The following INSL6 variants were observed in gnomAD, a reference collection of about 807,000 sequenced individuals.
INSL6 encodes insulin like 6, also known as insulin-like peptide INSL6.
INSL6 carries 16 observed loss-of-function variants against 9.4 expected under a neutral mutation model. The observed-to-expected ratio is 1.70, with a 90% CI of 1.15 to 2.59. The LOEUF is 2.59. Among genes scored for constraint, INSL6 ranks in the 30% most tolerant of loss-of-function variants. The pLI, the probability that INSL6 is intolerant of heterozygous loss-of-function variation, is 0.00. For synonymous variants in INSL6, 154 were observed against 96.9 expected, an observed-to-expected ratio of 1.59 and a Z score of -3.46; for missense variants, 391 against 257.3, an observed-to-expected ratio of 1.52 and a Z score of -3.56.
chr9:5,111,706 C>T, the INSL6 span: 42 of 430,162 alleles, frequency 9.8e-5, no homozygotes, highest in East Asian at 3.3e-4. Flanking sequence ...GCACGTTTGG[C>T]GGCCTGCACC....
chr9:5,006,752 A>C, the INSL6 span, among the ~76,000 whole-genome samples: 1 of 152,200 alleles, frequency 6.6e-6, no homozygotes, highest in Non-Finnish European at 1.5e-5. Context: ...GTCACCTCTC[A>C]CCAGGCCACT....
the INSL6 span, chr9:5,069,826 A>G: frequency 1.6e-6 from 1 of 616,052 alleles, no homozygotes; most frequent in Non-Finnish European, 2.5e-6. Context: ...GTTATTAAGC[A>G]TTTCTTATAC....
the INSL6 span, among the ~76,000 whole-genome samples, chr9:5,116,014 A>G: frequency 1.4e-3 from 207 of 152,276 alleles, no homozygotes; most frequent in African/African-American, 4.8e-3. Context: ...TACGTTAACA[A>G]ACCTGCACCT....
the INSL6 span, among the ~76,000 whole-genome samples, chr9:5,059,186 T>C: frequency 6.6e-6 from 1 of 152,194 alleles, no homozygotes; most frequent in Non-Finnish European, 1.5e-5. Context: ...AACAGAATAG[T>C]TCTCTTACTC....
chr9:5,117,664 T>G, the INSL6 span, among the ~76,000 whole-genome samples: 1 of 139,832 alleles, frequency 7.2e-6, no homozygotes, highest in South Asian at 2.3e-4. Context: ...GGTTTTATCT[T>G]AAATAAATTA....
the INSL6 span, among the ~76,000 whole-genome samples, chr9:5,081,138 G>A: frequency 0.16 from 24,046 of 151,554 alleles, 2,203 homozygotes; most frequent in Middle Eastern, 0.22. Flanking sequence ...CTTGTGATCC[G>A]CCCGCCTCGG....
At chr9:5,022,438 G>T in the INSL6 span, among the ~76,000 whole-genome samples, 4 of 152,050 alleles carry the variant, frequency 2.6e-5, no homozygotes, top group Admixed American at 2.0e-4. Flanking sequence ...ATAAATGTTT[G>T]CTGACTATTC....
the INSL6 span, among the ~76,000 whole-genome samples, chr9:5,083,008 A>G: frequency 6.5e-3 from 986 of 152,338 alleles, 6 homozygotes; most frequent in African/African-American, 0.022. Context: ...TAACTGAAGA[A>G]CTTTTCAGAG....
At chr9:5,012,619 AT>A in the INSL6 span, among the ~76,000 whole-genome samples, 2 of 152,176 alleles carry the variant, frequency 1.3e-5, no homozygotes, top group African/African-American at 4.8e-5. Flanking sequence ...TTATTTTGTT[AT>A]TTTTATGAGC....
the INSL6 span, among the ~76,000 whole-genome samples, chr9:5,031,843 C>T: frequency 7.9e-5 from 12 of 152,262 alleles, no homozygotes; most frequent in South Asian, 4.1e-4. Flanking sequence ...ATGCAGAAGA[C>T]GGGTGATTTC....
At chr9:5,081,651 C>T in the INSL6 span, 1 of 1,066,608 alleles carries the variant, frequency 9.4e-7, no homozygotes, top group Admixed American at 2.0e-5. Context: ...TTTTGGTCAA[C>T]TTGAATGTAT....
chr9:5,111,667 C>G, the INSL6 span: 1 of 408,610 alleles, frequency 2.4e-6, no homozygotes, highest in Non-Finnish European at 4.8e-6. Flanking sequence ...CGCCCAGCAG[C>G]GGCCCTGTGG....
the INSL6 span, among the ~76,000 whole-genome samples, chr9:5,030,680 A>G: frequency 6.6e-6 from 1 of 152,090 alleles, no homozygotes; most frequent in Non-Finnish European, 1.5e-5. Context: ...GTACTTCATT[A>G]AAGAGATAAT....
At chr9:5,116,435 T>C in the INSL6 span, among the ~76,000 whole-genome samples, 1 of 152,220 alleles carries the variant, frequency 6.6e-6, no homozygotes, top group East Asian at 1.9e-4. Context: ...TAATTACTTT[T>C]AGGGTATGAG....
chr9:5,045,001 T>A, the INSL6 span, among the ~76,000 whole-genome samples: 7 of 152,222 alleles, frequency 4.6e-5, no homozygotes, highest in African/African-American at 7.2e-5. Context: ...TGTTGATACT[T>A]AGTCTAAGAG....
chr9:5,073,561 C>T, the INSL6 span: 1 of 685,126 alleles, frequency 1.5e-6, no homozygotes. Flanking sequence ...ATAAAGGGAC[C>T]AAAGCACATT....
the INSL6 span, chr9:5,111,022 G>A: frequency 1.2e-5 from 10 of 806,154 alleles, no homozygotes; most frequent in Admixed American, 4.2e-5. Flanking sequence ...GGGCCGGCCC[G>A]CCTCCCTGGC....
chr9:5,140,384 A>C (rs953255207), intron 2 of INSL6, among the ~76,000 whole-genome samples: 1 of 152,096 alleles, frequency 6.6e-6, no homozygotes, highest in African/African-American at 2.4e-5. Context: ...CGAAACCCTA[A>C]GTAAAAACTT....
chr9:5,126,240 T>C, intron 3 of INSL6: 2 of 774,982 alleles, frequency 2.6e-6, no homozygotes, highest in Non-Finnish European at 4.3e-6. Context: ...AGCACACATA[T>C]ACTAAATTTT....
Sources: allele counts gnomAD v4.1 joint callset (sites outside exome capture counted in the v4.1 genomes callset), GRCh38; gene constraint gnomAD v4.1.1; transcripts MANE v1.5; gene names NCBI Gene and HGNC (gene_info 2026-07-23, HGNC 2026-07-21).